The following STXBP6 variants were observed in gnomAD, a reference collection of about 807,000 sequenced individuals.
STXBP6 encodes syntaxin-binding protein 6.
In STXBP6, 21 loss-of-function variants were observed where a neutral mutation model predicts 26.9. The observed-to-expected ratio is 0.78, with a 90% CI of 0.55 to 1.12. The LOEUF (loss-of-function observed/expected upper bound fraction) is 1.12, where lower values mean the gene tolerates loss of function less well. Among genes scored for constraint, STXBP6 ranks in the 50% most tolerant of loss-of-function variants. The pLI, the probability that STXBP6 is intolerant of heterozygous loss-of-function variation, is 0.00. For missense variants in STXBP6, 232 were observed against 257.9 expected (o/e 0.90, Z 0.69); for synonymous variants, 97 against 92.6 (o/e 1.05, Z -0.27).
At chr14:24,914,579 A>C (rs1377509324) in intron 2 of STXBP6, among the ~76,000 whole-genome samples, 1 of 152,146 alleles carries the variant, frequency 6.6e-6, no homozygotes, top group Non-Finnish European at 1.5e-5. Context: ...CATTTAAAAG[A>C]ACATATGCAA....
chr14:24,982,697 T>C (rs17109419), intron 1 of STXBP6, among the ~76,000 whole-genome samples: 9,903 of 152,288 alleles, frequency 0.065, 1,112 homozygotes, highest in African/African-American at 0.22. Context: ...GCTTCAACTA[T>C]AAACCTAGAT....
chr14:24,953,697 T>A (rs1025600701), intron 2 of STXBP6, among the ~76,000 whole-genome samples: 3 of 152,232 alleles, frequency 2.0e-5, no homozygotes, highest in Non-Finnish European at 4.4e-5. Context: ...TGAAAACAGT[T>A]GATTATCTTA....
chr14:24,844,969 A>T (rs1468990716), intron 4 of STXBP6, among the ~76,000 whole-genome samples: 1 of 151,844 alleles, frequency 6.6e-6, no homozygotes, highest in Non-Finnish European at 1.5e-5. Flanking sequence ...GAAAAGAATG[A>T]TTTTTAACAA....
chr14:24,836,163 T>G (rs1477459466), intron 4 of STXBP6, among the ~76,000 whole-genome samples: 1 of 152,228 alleles, frequency 6.6e-6, no homozygotes, highest in Non-Finnish European at 1.5e-5. Flanking sequence ...TTTAATAAGA[T>G]GATTGGCAAC....
intron 1 of STXBP6, among the ~76,000 whole-genome samples, chr14:25,040,263 T>C (rs1258341319): frequency 6.6e-6 from 1 of 152,112 alleles, no homozygotes; most frequent in African/African-American, 2.4e-5. Context: ...TTCTGGAACT[T>C]GGGGGTGGTC....
At chr14:24,898,189 G>A (rs1442009652) in intron 2 of STXBP6, among the ~76,000 whole-genome samples, 2 of 152,184 alleles carry the variant, frequency 1.3e-5, no homozygotes, top group African/African-American at 2.4e-5. Flanking sequence ...AACACTGACC[G>A]AGCATCCCAG....
chr14:24,856,102 C>T lies in STXBP6; in HGVS notation c.286-1G>A, dbSNP rs1394275980. 1 of 1,588,654 alleles carries T rather than the reference C, an allele frequency of 6.3e-7. No homozygotes were observed. The highest frequency in any genetic ancestry group is 2.2e-5 in the East Asian group (1 of 44,530). ...ACAACAAATCAAACTCTGCCGAATC[C>T]TGGAAAAGACAATGAAATAACTACT... is the stretch of plus-strand genomic sequence containing the variant. On this transcript the variant is annotated splice_acceptor_variant, in intron 3 of 5. Coordinates refer to ENST00000323944, the MANE Select transcript of STXBP6 (RefSeq NM_001394410.1). LOFTEE classifies it high-confidence loss of function.
chr14:25,012,860 T>C (rs568130781), intron 1 of STXBP6, among the ~76,000 whole-genome samples: 1 of 152,256 alleles, frequency 6.6e-6, no homozygotes, highest in South Asian at 2.1e-4. Flanking sequence ...TAAGGTTATA[T>C]ATCAAAAGGA....
In STXBP6 at chr14:25,016,386, C is replaced by G. The variant is rs74037453; in HGVS notation, c.-33+33492G>C. ...ACTTTGTGCTAATCAGAAATGGTAC[C>G]AGAGCCCTAATTCCTTGAACCTAGA... is the stretch of plus-strand genomic sequence containing the variant. On this transcript the variant is annotated intron_variant, in intron 1 of 5. Transcript: ENST00000323944. Among the ~76,000 whole-genome samples the G allele has an allele frequency of 6.5e-3, 993 of 152,050 alleles. 10 individuals carry two copies. The highest frequency in any genetic ancestry group is 0.023 in the African/African-American group (949 of 41,446).
At chr14:24,825,211 G>A (rs186933960) in intron 4 of STXBP6, among the ~76,000 whole-genome samples, 67 of 152,250 alleles carry the variant, frequency 4.4e-4, no homozygotes, top group Non-Finnish European at 8.4e-4. Flanking sequence ...GTGAAATTCC[G>A]CAGAATTTGT....
intron 4 of STXBP6, among the ~76,000 whole-genome samples, chr14:24,823,474 T>C (rs2068198602): frequency 6.6e-6 from 1 of 152,196 alleles, no homozygotes; most frequent in African/African-American, 2.4e-5. Context: ...TCCTTAATTC[T>C]ATTGCTAGTA....
intron 1 of STXBP6, among the ~76,000 whole-genome samples, chr14:24,985,273 G>A (rs570511413): frequency 6.6e-6 from 1 of 152,298 alleles, no homozygotes; most frequent in African/African-American, 2.4e-5. Flanking sequence ...CCATAAAGGG[G>A]ACAATGCCTA....
At chr14:24,878,584 A>C (rs1197217855) in intron 2 of STXBP6, 2 of 170,620 alleles carry the variant, frequency 1.2e-5, no homozygotes, top group Non-Finnish European at 2.5e-5. Context: ...CTGGGAGAAG[A>C]CCTCAATTAA....
At chr14:24,847,278 C>T (rs1033660977) in intron 4 of STXBP6, among the ~76,000 whole-genome samples, 1 of 152,132 alleles carries the variant, frequency 6.6e-6, no homozygotes, top group South Asian at 2.1e-4. Context: ...AGCAGAACAA[C>T]AGCTTTTAAA....
At chr14:24,917,380 G>A (rs1156260720) in intron 2 of STXBP6, among the ~76,000 whole-genome samples, 1 of 152,080 alleles carries the variant, frequency 6.6e-6, no homozygotes, top group Non-Finnish European at 1.5e-5. Flanking sequence ...TGAAGAGACG[G>A]TGAGAAAAGG....
At chr14:24,835,751 T>C (rs1351352800) in intron 4 of STXBP6, among the ~76,000 whole-genome samples, 1 of 152,240 alleles carries the variant, frequency 6.6e-6, no homozygotes, top group African/African-American at 2.4e-5. Flanking sequence ...AAAATATTAA[T>C]ATAAATATCC....
chr14:25,035,109 C>A (rs1193217580), intron 1 of STXBP6, among the ~76,000 whole-genome samples: 1 of 151,282 alleles, frequency 6.6e-6, no homozygotes, highest in Non-Finnish European at 1.5e-5. Context: ...CAAGATCGCA[C>A]CATTGCACTC....
At chr14:24,914,089 G>A (rs2071670073) in intron 2 of STXBP6, among the ~76,000 whole-genome samples, 1 of 152,126 alleles carries the variant, frequency 6.6e-6, no homozygotes, top group East Asian at 1.9e-4. Flanking sequence ...CCACTGTGAT[G>A]CAAGAAATAA....
In STXBP6 at chr14:24,911,489, CAAAGAAAG is replaced by C. The variant is rs554787902; in HGVS notation, c.155-54340_155-54333del. On this transcript the variant is annotated intron_variant, in intron 2 of 5. Coordinates refer to ENST00000323944, the MANE Select transcript of STXBP6 (RefSeq NM_001394410.1). The stretch of plus-strand genomic sequence containing the variant: ...GAAAGAAATCAAGCAGGAGGATGTC[CAAAGAAAG>C]AAAGAAAGAAAGAAAGAAACCAAGC... Among the ~76,000 whole-genome samples, 41 of 151,308 alleles carry C rather than the reference CAAAGAAAG, an allele frequency of 2.7e-4. No individual in the cohort carries two copies. In the East Asian group the frequency reaches 7.2e-3, roughly 27 times the overall value.
Sources: allele counts gnomAD v4.1 joint callset (sites outside exome capture counted in the v4.1 genomes callset), GRCh38; gene constraint gnomAD v4.1.1; transcripts MANE v1.5; gene names NCBI Gene and HGNC (gene_info 2026-07-23, HGNC 2026-07-21).